Variants in NEXN observed in about 807,000 individuals in gnomAD.
NEXN encodes nexilin F-actin binding protein.
In NEXN, 65 loss-of-function variants were observed where a neutral mutation model predicts 92.6. The observed-to-expected ratio is 0.70, with a 90% confidence interval of 0.57 to 0.86. The LOEUF (loss-of-function observed/expected upper bound fraction) is 0.86, where lower values mean the gene tolerates loss of function less well. Among genes scored for constraint, NEXN ranks in the 40% least tolerant of loss-of-function variants. The pLI is 0.00. For synonymous variants in NEXN, 254 were observed against 242.5 expected (o/e 1.05, Z -0.44); for missense variants, 778 against 771.1 (o/e 1.01, Z -0.11).
chr1:77,896,770 A>C (rs1234812898), intron 1 of NEXN, among the ~76,000 whole-genome samples: 1 of 152,102 alleles, frequency 6.6e-6, no homozygotes, highest in African/African-American at 2.4e-5. Flanking sequence ...TTAAAAAAAA[A>C]AAAATTTAGA....
chr1:77,908,837 G>C (rs778957344), intron 1 of NEXN, among the ~76,000 whole-genome samples: 1 of 152,064 alleles, frequency 6.6e-6, no homozygotes, highest in African/African-American at 2.4e-5. Context: ...ATTATTCCAG[G>C]GTTCTTCATA....
chr1:77,938,604 AAAAG>A (rs1320616384), intron 11 of NEXN, among the ~76,000 whole-genome samples: 3 of 152,084 alleles, frequency 2.0e-5, no homozygotes, highest in African/African-American at 4.8e-5. Flanking sequence ...AAAAAAAAAA[AAAAG>A]TTCAGTCTAA....
intron 8 of NEXN, among the ~76,000 whole-genome samples, chr1:77,929,083 AT>A (rs1211438494): frequency 6.6e-6 from 1 of 152,168 alleles, no homozygotes; most frequent in Non-Finnish European, 1.5e-5. Context: ...ATCTATAGAA[AT>A]TTGGCTTATT....
chr1:77,934,230 G>C (rs1352581934), intron 10 of NEXN, among the ~76,000 whole-genome samples: 2 of 152,054 alleles, frequency 1.3e-5, no homozygotes, highest in African/African-American at 4.8e-5. Flanking sequence ...GGCTGATCTC[G>C]AACTCCTGAC....
chr1:77,925,703 T>C (rs1480675060), intron 6 of NEXN, among the ~76,000 whole-genome samples: 2 of 152,152 alleles, frequency 1.3e-5, no homozygotes, highest in Non-Finnish European at 2.9e-5. Context: ...ATCCCTTTTA[T>C]CTAACAGAAT....
intron 5 of NEXN, 60 bp from the exon 6 acceptor site, chr1:77,925,127 GT>G (rs1416560549): frequency 8.7e-7 from 1 of 1,151,918 alleles, no homozygotes; most frequent in Non-Finnish European, 1.3e-6. Context: ...TCCAGTTGTT[GT>G]TTAAAAGCAA....
chr1:77,889,866 A>C (rs766020984), intron 1 of NEXN, among the ~76,000 whole-genome samples: 1 of 152,200 alleles, frequency 6.6e-6, no homozygotes, highest in African/African-American at 2.4e-5. Context: ...CAACATAACT[A>C]TGTCTTAGGT....
intron 1 of NEXN, among the ~76,000 whole-genome samples, chr1:77,904,136 G>T (rs1426770663): frequency 6.6e-6 from 1 of 152,010 alleles, no homozygotes; most frequent in African/African-American, 2.4e-5. Flanking sequence ...GACATAACAG[G>T]TATCTGGCAC....
chr1:77,896,026 C>T (rs1483617666), intron 1 of NEXN, among the ~76,000 whole-genome samples: 3 of 151,774 alleles, frequency 2.0e-5, no homozygotes, highest in African/African-American at 7.3e-5. Flanking sequence ...AAAAAATTAG[C>T]CAGGTGTGGT....
intron 1 of NEXN, among the ~76,000 whole-genome samples, chr1:77,890,183 C>T (rs1647073620): frequency 6.6e-6 from 1 of 152,056 alleles, no homozygotes; most frequent in Non-Finnish European, 1.5e-5. Context: ...ACAATTAACA[C>T]CGTATTTTTG....
rs558607739 is a variant in NEXN at position 77,922,233 on chromosome 1, A to AGGTTCAT, written c.448-2953_448-2947dup. 7.5e-4 allele frequency among the ~76,000 whole-genome samples: 109 copies of AGGTTCAT among 145,084 alleles called. 2 individuals carry two copies. In the South Asian group the frequency reaches 0.024, roughly 32 times the overall value. On this transcript the variant is annotated intron_variant, in intron 5 of 12. Coordinates refer to ENST00000334785, the MANE Select transcript of NEXN (RefSeq NM_144573.4). ...CAGCTCACTGCAAGCTCCACCTCCC[A>AGGTTCAT]GGTTCATGCCATTCTCCTGCCTCAG...
intron 9 of NEXN, 54 bp from the exon 10 acceptor site, chr1:77,933,228 C>A: frequency 1.8e-6 from 2 of 1,081,920 alleles, no homozygotes; most frequent in East Asian, 2.5e-5. Flanking sequence ...AGAAATAGTC[C>A]CTTTTTAGTA....
chr1:77,911,561 C>T (rs1648578110), intron 1 of NEXN, among the ~76,000 whole-genome samples: 1 of 151,774 alleles, frequency 6.6e-6, no homozygotes, highest in Non-Finnish European at 1.5e-5. Flanking sequence ...CATTGCACTC[C>T]AGCCTGGGCG....
chr1:77,924,649 T>C (rs1000154245), intron 5 of NEXN, among the ~76,000 whole-genome samples: 3 of 83,852 alleles, frequency 3.6e-5, no homozygotes, highest in Middle Eastern at 0.014. Context: ...TTTATCTTAA[T>C]TTTTTCTGTT....
chr1:77,933,695 G>A (rs1329621277), intron 10 of NEXN, among the ~76,000 whole-genome samples: 1 of 152,052 alleles, frequency 6.6e-6, no homozygotes, highest in Non-Finnish European at 1.5e-5. Context: ...AAGTATCTAG[G>A]TTTGCAAGTG....
intron 11 of NEXN, among the ~76,000 whole-genome samples, chr1:77,936,493 T>C (rs550187397): frequency 7.9e-5 from 12 of 152,350 alleles, no homozygotes; most frequent in South Asian, 4.1e-4. Context: ...AACCAGTGTA[T>C]ATTCAAGTTA....
chr1:77,931,288 C>T lies in NEXN; in HGVS notation c.1053+1784C>T, dbSNP rs966763235. On this transcript the variant is annotated intron_variant, in intron 9 of 12. Coordinates refer to ENST00000334785, the MANE Select transcript of NEXN (RefSeq NM_144573.4). ...AATTAGCCGGGCGTGTTGGCGGGCACCTGTAGTCCCAGCTACTCAGAGGCT... is the reference window on the plus strand; with the variant it reads ...AATTAGCCGGGCGTGTTGGCGGGCATCTGTAGTCCCAGCTACTCAGAGGCT... 8.7e-5 allele frequency among the ~76,000 whole-genome samples: 13 copies of T among 149,054 alleles called. No homozygotes were observed. The East Asian group carries it at 2.5e-3, about 29-fold the overall frequency.
Position 77,917,762 on chromosome 1 carries a change from T to G in NEXN, c.219+5T>G, listed in dbSNP as rs1414299806. 6.9e-6 allele frequency: 11 copies of G among 1,598,314 alleles called. No homozygotes were observed. The highest frequency in any genetic ancestry group is 1.7e-4 in the Middle Eastern group (1 of 6,040). Reference sequence around the variant, plus strand: ...TGGAACAGGAGAAAGCAGGAGGTTATTTTATTTTACTTTATTCTCGTGAAA... The same window carrying G: ...TGGAACAGGAGAAAGCAGGAGGTTAGTTTATTTTACTTTATTCTCGTGAAA... On this transcript the variant is annotated splice_donor_5th_base_variant and intron_variant, in intron 3 of 12. Coordinates refer to ENST00000334785, the MANE Select transcript of NEXN (RefSeq NM_144573.4).
intron 5 of NEXN, chr1:77,924,222 C>T (rs192115021): frequency 1.3e-3 from 223 of 167,788 alleles, no homozygotes; most frequent in Non-Finnish European, 2.2e-3. Context: ...ATTAGCCAGG[C>T]GTGATGGTGC....
Sources: allele counts gnomAD v4.1 joint callset (sites outside exome capture counted in the v4.1 genomes callset), GRCh38; gene constraint gnomAD v4.1.1; transcripts MANE v1.5; gene names NCBI Gene and HGNC (gene_info 2026-07-23, HGNC 2026-07-21).